PCCA: variants seen among roughly 807,000 people sequenced by gnomAD.
The protein encoded by PCCA is propionyl-CoA carboxylase subunit alpha, also known as propionyl-CoA carboxylase alpha chain, mitochondrial.
Under a neutral mutation model 101.3 loss-of-function variants are expected in PCCA, and 74 were observed. That is an observed-to-expected ratio of 0.73 (90% CI 0.61 to 0.89). The LOEUF is 0.89. PCCA is among the 40% of genes least tolerant of loss of function. PCCA has a pLI of 0.00. For missense variants in PCCA, 891 were observed against 907.0 expected, an observed-to-expected ratio of 0.98 and a Z score of 0.23; for synonymous variants, 294 against 313.6, an observed-to-expected ratio of 0.94 and a Z score of 0.66.
chr13:100,354,102 A>AAT (rs2073646463), intron 18 of PCCA, among the ~76,000 whole-genome samples: 1 of 145,732 alleles, frequency 6.9e-6, no homozygotes, highest in Non-Finnish European at 1.5e-5. Flanking sequence ...TAATAATAAT[A>AAT]ATAATAATAA....
intron 20 of PCCA, among the ~76,000 whole-genome samples, chr13:100,432,516 A>C (rs1377059853): frequency 2.0e-5 from 3 of 152,200 alleles, no homozygotes; most frequent in Non-Finnish European, 4.4e-5. Context: ...AAGTAATGAG[A>C]GCTAAACATG....
chr13:100,166,243 AT>A (rs149797086), intron 6 of PCCA, among the ~76,000 whole-genome samples: 3 of 151,144 alleles, frequency 2.0e-5, no homozygotes, highest in Non-Finnish European at 1.5e-5. Context: ...TGTTTTTTGG[AT>A]TTTTTTTTCA....
intron 6 of PCCA, among the ~76,000 whole-genome samples, chr13:100,204,332 T>G (rs972675394): frequency 6.6e-5 from 10 of 152,058 alleles, no homozygotes; most frequent in African/African-American, 2.4e-4. Context: ...TAGAGAAAAG[T>G]TTTTGCCATG....
chr13:100,223,879 A>G (rs1287061945), intron 7 of PCCA, among the ~76,000 whole-genome samples: 1 of 152,182 alleles, frequency 6.6e-6, no homozygotes, highest in Non-Finnish European at 1.5e-5. Context: ...TGGTGCATTC[A>G]CAAACCCTGA....
intron 6 of PCCA, among the ~76,000 whole-genome samples, chr13:100,199,209 A>G (rs2058319074): frequency 6.6e-6 from 1 of 151,318 alleles, no homozygotes; most frequent in Admixed American, 6.6e-5. Flanking sequence ...GAATCCTGGA[A>G]AGCTGTGTGA....
At chr13:100,253,507 G>A (rs910687102) in intron 8 of PCCA, among the ~76,000 whole-genome samples, 2 of 152,154 alleles carry the variant, frequency 1.3e-5, no homozygotes, top group South Asian at 4.1e-4. Flanking sequence ...CTGGTAGCTG[G>A]GAGGTGAGGG....
At chr13:100,341,324 T>G (rs778605062) in intron 18 of PCCA, among the ~76,000 whole-genome samples, 1 of 152,190 alleles carries the variant, frequency 6.6e-6, no homozygotes, top group Admixed American at 6.5e-5. Context: ...ATAAACTTCC[T>G]GTGAGCAGGA....
intron 7 of PCCA, among the ~76,000 whole-genome samples, chr13:100,230,100 ACT>A (rs1320155368): frequency 2.6e-5 from 4 of 152,170 alleles, no homozygotes; most frequent in African/African-American, 9.7e-5. Context: ...AATTTGCTAA[ACT>A]CTGGGGATTT....
At chr13:100,463,466 G>A (rs1397123509) in intron 21 of PCCA, among the ~76,000 whole-genome samples, 1 of 149,994 alleles carries the variant, frequency 6.7e-6, no homozygotes, top group Non-Finnish European at 1.5e-5. Context: ...AGATAATTCT[G>A]AGATTTCTAG....
In PCCA at chr13:100,157,287, G is replaced by A. The variant is rs770129876; in HGVS notation, c.415G>A (p.Val139Ile). The change falls in exon 6 of 24, where the codon GTA (valine) becomes ATA (isoleucine). Residue 139 changes from valine (V) to isoleucine (I), a missense_variant and splice_region_variant. Val to Ile is a conservative substitution (Grantham distance 29, BLOSUM62 3). Transcript: ENST00000376285. ...AGTGCTTTTTGCTTTCATTTCTAAG[G>A]TACATCCAGGTTATGGATTCCTTTC... is the stretch of plus-strand genomic sequence containing the variant. ...EAIKKTRAQA[V>I]HPGYGFLSEN... 2.5e-6 allele frequency: 4 copies of A among 1,607,932 alleles called. No individual in the cohort carries two copies. The Admixed American group carries it at 6.7e-5, about 27-fold the overall frequency.
At chr13:100,520,002 A>G (rs879624085) in intron 22 of PCCA, among the ~76,000 whole-genome samples, 1 of 152,248 alleles carries the variant, frequency 6.6e-6, no homozygotes, top group Non-Finnish European at 1.5e-5. Flanking sequence ...ATAGTTATTC[A>G]AGCAGTTTAT....
At chr13:100,327,661 G>A (rs74113890) in intron 16 of PCCA, among the ~76,000 whole-genome samples, 2,000 of 152,324 alleles carry the variant, frequency 0.013, 51 homozygotes, top group African/African-American at 0.046. Flanking sequence ...TCCAAAGTGT[G>A]TGTATCATTT....
intron 4 of PCCA, among the ~76,000 whole-genome samples, chr13:100,142,220 G>T (rs1358641283): frequency 6.6e-6 from 1 of 152,038 alleles, no homozygotes; most frequent in East Asian, 1.9e-4. Flanking sequence ...TTACACAAAA[G>T]AGGCATGCCA....
At chr13:100,446,088 G>A (rs2080806887) in intron 20 of PCCA, among the ~76,000 whole-genome samples, 1 of 152,026 alleles carries the variant, frequency 6.6e-6, no homozygotes, top group South Asian at 2.1e-4. Flanking sequence ...TGCCCAGGCT[G>A]GAGTGCTTTG....
intron 20 of PCCA, among the ~76,000 whole-genome samples, chr13:100,439,651 C>T (rs535280652): frequency 6.5e-4 from 99 of 151,726 alleles, no homozygotes; most frequent in Non-Finnish European, 9.7e-4. Flanking sequence ...TATTGTTTGT[C>T]GTTAGCGTTT....
At chr13:100,232,358 G>GTGTGTC (rs1182433906) in intron 7 of PCCA, among the ~76,000 whole-genome samples, 2 of 146,728 alleles carry the variant, frequency 1.4e-5, no homozygotes, top group Non-Finnish European at 3.0e-5. Flanking sequence ...ATGCGTGTGT[G>GTGTGTC]TGTGTGTGTG....
At chr13:100,330,738 A>G in intron 17 of PCCA, 67 bp downstream of exon 17, 3 of 922,604 alleles carry the variant, frequency 3.3e-6, no homozygotes, top group Admixed American at 3.7e-5. Context: ...GTAATACATA[A>G]TTTCACTCTA....
At chr13:100,281,889 C>A (rs182351793) in intron 12 of PCCA, among the ~76,000 whole-genome samples, 2 of 152,156 alleles carry the variant, frequency 1.3e-5, no homozygotes, top group African/African-American at 2.4e-5. Flanking sequence ...CCACTTTGCA[C>A]GTGCAGAAGT....
At chr13:100,207,012 T>G (rs1356076236) in intron 6 of PCCA, among the ~76,000 whole-genome samples, 1 of 152,228 alleles carries the variant, frequency 6.6e-6, no homozygotes, top group Non-Finnish European at 1.5e-5. Flanking sequence ...CAAGTTTAAC[T>G]GTTTCTTTGG....
Sources: gnomAD v4.1 joint callset for allele counts (sites outside exome capture counted in the v4.1 genomes callset) on GRCh38, gnomAD v4.1.1 for gene constraint, MANE v1.5 for transcripts, NCBI Gene and HGNC (gene_info 2026-07-23, HGNC 2026-07-21) for gene names.